The following CPNE6 variants were observed in gnomAD, a reference collection of about 807,000 sequenced individuals.
CPNE6 encodes copine 6.
Under a neutral mutation model 71.5 loss-of-function variants are expected in CPNE6, and 33 were observed. That is an observed-to-expected ratio of 0.46 (90% CI 0.35 to 0.62). CPNE6 has a LOEUF of 0.62. Ranked by LOEUF, CPNE6 falls within the 20% of genes least tolerant of loss-of-function variation. CPNE6 has a pLI of 0.00. For missense variants in CPNE6, 576 were observed against 747.3 expected (o/e 0.77, Z 2.67); for synonymous variants, 296 against 293.0 (o/e 1.01, Z -0.10).
At chr14:24,071,502 C>CGCG in intron 1 of CPNE6, 60 bp from the exon 1 acceptor site, 25 of 447,680 alleles carry the variant, frequency 5.6e-5, no homozygotes, top group Non-Finnish European at 7.7e-5. Context: ...TGGTGCTGCG[C>CGCG]CCCCCCCCAC....
In CPNE6 at chr14:24,075,999, A is replaced by G. The variant is rs1486069760; in HGVS notation, c.924+113A>G. On this transcript the variant is annotated intron_variant, in intron 11 of 17. Coordinates refer to ENST00000397016, the Ensembl canonical transcript of CPNE6. The surrounding 1 kb of genome is among the most constrained non-coding windows in gnomAD (Gnocchi z 4.3). Reference sequence around the variant, plus strand: ...ACTTGGGCTGCTCATGAGCCTTCGCATTGTCAGCTTATGCACCCCCACATC... The same window carrying G: ...ACTTGGGCTGCTCATGAGCCTTCGCGTTGTCAGCTTATGCACCCCCACATC... 5 of 1,510,158 alleles carry G rather than the reference A, an allele frequency of 3.3e-6. No homozygotes were observed. The East Asian group carries it at 1.1e-4, about 34-fold the overall frequency. The allele number at this position is 1,510,158 out of a possible 1,614,324, so 93.5% of individuals were successfully genotyped here.
Position 24,074,766 on chromosome 14 carries a change from T to C in CPNE6, c.643T>C (p.Cys215Arg), listed in dbSNP as rs749465144. Reference sequence around the variant, plus strand: ...GTTCCGCCTGTCCCTGCATTCCCTATGCAGCTGTGATGTTCACCGACCTCT... The same window carrying C: ...GTTCCGCCTGTCCCTGCATTCCCTACGCAGCTGTGATGTTCACCGACCTCT... Residue 215 changes from cysteine (C) to arginine (R), a missense_variant, in exon 8 of 18, where the codon TGC becomes CGC. Cys to Arg is a radical substitution (Grantham distance 180). Around this residue, in one of 4 missense-constraint regions of CPNE6, gnomAD observed 214 missense variants for 291.2 expected, o/e 0.73. Coordinates refer to ENST00000397016, the Ensembl canonical transcript of CPNE6. The surrounding 1 kb of genome is among the most constrained non-coding windows in gnomAD (Gnocchi z 4.5). 8 of 1,613,884 alleles carry C rather than the reference T, an allele frequency of 5.0e-6. No individual in the cohort carries two copies. Among genetic ancestry groups the C allele is most frequent in the Non-Finnish European group, 6.8e-6 (8 of 1,179,900 alleles).
rs554532366 is a variant in CPNE6, at chr14:24,075,258, G to A, written c.759G>A (p.Thr253=). 59 of 1,614,036 alleles carry A rather than the reference G, an allele frequency of 3.7e-5. No individual in the cohort carries two copies. Among genetic ancestry groups the A allele is most frequent in the Middle Eastern group, 1.6e-4 (1 of 6,062 alleles). ...CTTTCCAGGAGATGCAGGAAGGGAC[G>A]GCAAACCCTGGGCAGGAGGTGCCAC... is the stretch of plus-strand genomic sequence containing the variant. Residue 253 remains threonine, a synonymous_variant, in exon 9 of 18, where the codon ACG becomes ACA. Transcript: ENST00000397016. This position sits in a 1 kb window ranked among gnomAD's most constrained non-coding sequence, Gnocchi z 4.3.
chr14:24,076,464 C>A (rs1302419357), intron 13 of CPNE6, 42 bp from the exon 13 acceptor site: 1 of 1,614,188 alleles, frequency 6.2e-7, no homozygotes, highest in East Asian at 2.2e-5. Flanking sequence ...GTCAGTCAGG[C>A]AGAAAAGGCA....
rs894843355 is a variant in CPNE6, at chr14:24,071,555, T to A, written c.-91T>A. ...CCATAAATAGCAGCAGAGCCGGAGC[T>A]GGAGCCGGCGCCAGCGGCTGGAGCA... On this transcript the variant is annotated 5_prime_UTR_variant, in exon 2 of 18. Coordinates refer to ENST00000397016, the Ensembl canonical transcript of CPNE6. 2.4e-6 allele frequency: 3 copies of A among 1,246,712 alleles called. No individual in the cohort carries two copies. Among genetic ancestry groups the A allele is most frequent in the Non-Finnish European group, 3.1e-6 (3 of 962,222 alleles). The allele number at this position is 1,246,712 out of a possible 1,614,324, so 77.2% of individuals were successfully genotyped here.
chr14:24,071,107 G>GT, intron 1 of CPNE6: 3 of 1,403,970 alleles, frequency 2.1e-6, no homozygotes, highest in Non-Finnish European at 2.9e-6. Flanking sequence ...CTTAGCTAGT[G>GT]TAACAATGTT....
Position 24,073,938 on chromosome 14 carries a change from A to G in CPNE6, c.349-113A>G, listed in dbSNP as rs1199783277. 8 of 1,075,426 alleles carry G rather than the reference A, an allele frequency of 7.4e-6. No individual in the cohort carries two copies. The highest frequency in any genetic ancestry group is 3.1e-5 in the African/African-American group (2 of 64,714). The allele number at this position is 1,075,426 out of a possible 1,614,324, so 66.6% of individuals were successfully genotyped here. On this transcript the variant is annotated intron_variant, in intron 4 of 17. Transcript: ENST00000397016. This position sits in a 1 kb window ranked among gnomAD's most constrained non-coding sequence, Gnocchi z 5.5. ...AAAAATTGAGCCCAACCCTAGCCCAACTCAAAGTGCCAACCCTTGCAGACA... is the reference window on the plus strand; with the variant it reads ...AAAAATTGAGCCCAACCCTAGCCCAGCTCAAAGTGCCAACCCTTGCAGACA...
At chr14:24,071,835 C>A in intron 2 of CPNE6, 194 bp downstream of exon 1, 1 of 550,476 alleles carries the variant, frequency 1.8e-6, no homozygotes, top group Non-Finnish European at 3.2e-6. Context: ...CCCCCTCCCC[C>A]AGCCCAGACC....
rs747964690 is a variant in CPNE6, at chr14:24,076,876, C to T, written c.1166-3C>T. The stretch of plus-strand genomic sequence containing the variant: ...CAGCTTCACAACTTCTCTTCACTCA[C>T]AGAGATCTCAGGGGTCATCGCCTCC... On this transcript the variant is annotated splice_region_variant and splice_polypyrimidine_tract_variant and intron_variant, in intron 14 of 17. Coordinates refer to ENST00000397016, the Ensembl canonical transcript of CPNE6. The T allele has an allele frequency of 6.8e-6, 11 of 1,612,596 alleles. No homozygotes were observed. The South Asian group carries it at 1.2e-4, about 18-fold the overall frequency.
chr14:24,075,829 G>A lies in CPNE6; in HGVS notation c.867G>A (p.Val289=), dbSNP rs368476143. ...CTTACCCCTCTCCCTACCTCCAGGT[G>A]GAGAAGGTGCACACCTTCCTGGATT... is the stretch of plus-strand genomic sequence containing the variant. Residue 289 remains valine (V), a splice_region_variant and synonymous_variant, in exon 11 of 18, where the codon GTG becomes GTA. Transcript: ENST00000397016. The surrounding 1 kb of genome is among the most constrained non-coding windows in gnomAD (Gnocchi z 4.3). 4.2e-5 allele frequency: 68 copies of A among 1,613,664 alleles called. No individual in the cohort carries two copies. Among genetic ancestry groups the A allele is most frequent in the Non-Finnish European group, 5.5e-5 (65 of 1,179,782 alleles).
At chr14:24,076,186 G>A in exon 12 of CPNE6, 2 of 1,614,086 alleles carry the variant, frequency 1.2e-6, no homozygotes, top group East Asian at 2.2e-5. Context: ...GGGGACCCGA[G>A]GAGCAGCCAG....
chr14:24,071,667 C>G (rs1201457780), intron 2 of CPNE6, 26 bp downstream of exon 1: 1 of 776,886 alleles, frequency 1.3e-6, no homozygotes, highest in Admixed American at 2.0e-5. Context: ...CTCCCCAGCC[C>G]AGCCCCAGCC....
At chr14:24,071,272 T>C in intron 1 of CPNE6, 1 of 1,272,848 alleles carries the variant, frequency 7.9e-7, no homozygotes, top group African/African-American at 1.5e-5. Context: ...ATCATTTCTC[T>C]GTTTGAATGT....
rs1685886916 is a variant in CPNE6, at chr14:24,074,217, A to G, written c.424-74A>G. 1 of 1,589,290 alleles carries G rather than the reference A, an allele frequency of 6.3e-7. No individual in the cohort carries two copies. Among genetic ancestry groups the G allele is most frequent in the Non-Finnish European group, 8.6e-7 (1 of 1,157,724 alleles). On this transcript the variant is annotated intron_variant, in intron 5 of 17. Transcript: ENST00000397016. This position sits in a 1 kb window ranked among gnomAD's most constrained non-coding sequence, Gnocchi z 4.5. ...TGACATCATGCCCAGGACCACCCCC[A>G]CCTAAGGGAAAGGGGATGGGGTGGC... is the stretch of plus-strand genomic sequence containing the variant.
intron 1 of CPNE6, chr14:24,071,201 A>T (rs535747579): frequency 1.2e-4 from 116 of 984,124 alleles, no homozygotes; most frequent in Middle Eastern, 1.2e-3. Flanking sequence ...GAGTTTATGT[A>T]CTGGCGCCTG....
rs758166258 is a variant in CPNE6, at chr14:24,077,272, A to G, written c.1418A>G (p.Asn473Ser). The stretch of plus-strand genomic sequence containing the variant: ...TCCATCATCATCGTAGGCGTGGGCA[A>G]TGCTGACTTCTCTGACATGCGGCTG... The change falls in exon 16 of 18, where the codon AAT becomes AGT. Residue 473 changes from asparagine to serine, a missense_variant. Around this residue, in one of 4 missense-constraint regions of CPNE6, gnomAD observed 264 missense variants for 339.9 expected, o/e 0.78. Transcript: ENST00000397016. The surrounding 1 kb of genome is among the most constrained non-coding windows in gnomAD (Gnocchi z 6.1). 6.2e-6 allele frequency: 10 copies of G among 1,613,788 alleles called. No individual in the cohort carries two copies. Among genetic ancestry groups the G allele is most frequent in the Non-Finnish European group, 8.5e-6 (10 of 1,180,018 alleles).
chr14:24,074,170 GC>G lies in CPNE6; in HGVS notation c.423+49del, dbSNP rs1384489302. The stretch of plus-strand genomic sequence containing the variant: ...CTCACCCTTGGTCCAGGTATTCAAT[GC>G]CCCTGCATGGACACCTATGGTGACA... On this transcript the variant is annotated intron_variant, in intron 5 of 17. Coordinates refer to ENST00000397016, the Ensembl canonical transcript of CPNE6. The surrounding 1 kb of genome is among the most constrained non-coding windows in gnomAD (Gnocchi z 4.5). 13 of 1,596,970 alleles carry G rather than the reference GC, an allele frequency of 8.1e-6. 1 individual carries two copies. The highest frequency in any genetic ancestry group is 1.0e-5 in the Non-Finnish European group (12 of 1,164,462).
At chr14:24,071,570 C>T (rs1010648852) in exon 2 of CPNE6, 24 of 1,500,504 alleles carry the variant, frequency 1.6e-5, no homozygotes, top group Admixed American at 3.9e-5. Flanking sequence ...CCGGCGCCAG[C>T]GGCTGGAGCA....
intron 1 of CPNE6, 42 bp from the exon 1 acceptor site, chr14:24,071,520 C>G (rs1871691942): frequency 6.8e-7 from 1 of 1,468,680 alleles, no homozygotes; most frequent in Non-Finnish European, 9.1e-7. Flanking sequence ...CACCCCTCCC[C>G]ATCCAGGCCC....
Sources: gnomAD v4.1 joint callset for allele counts on GRCh38, gnomAD v4.1.1 for gene constraint, gnomAD v4.1.1 regional missense constraint, Gnocchi (gnomAD v3.1) non-coding constraint, MANE v1.5 for transcripts, NCBI Gene and HGNC (gene_info 2026-07-23, HGNC 2026-07-21) for gene names.